The following BRF1 variants were observed in gnomAD, a reference collection of about 807,000 sequenced individuals.
The protein encoded by BRF1 is transcription factor IIIB 90 kDa subunit.
BRF1 carries 59 observed loss-of-function variants against 81.7 expected under a neutral mutation model. The ratio of observed to expected loss-of-function variants is 0.72; its 90% CI spans 0.59 to 0.90. The LOEUF (loss-of-function observed/expected upper bound fraction) is 0.90. BRF1 is among the 40% of genes least tolerant of loss of function. The pLI, the probability that BRF1 is intolerant of heterozygous loss-of-function variation, is 0.00. For synonymous variants in BRF1, 491 were observed against 395.6 expected, an observed-to-expected ratio of 1.24 and a Z score of -2.86; for missense variants, 1,050 against 936.3, an observed-to-expected ratio of 1.12 and a Z score of -1.58.
chr14:105,282,963 T>G (rs1200072918), intron 2 of BRF1, among the ~76,000 whole-genome samples: 3 of 151,610 alleles, frequency 2.0e-5, no homozygotes, highest in East Asian at 3.9e-4. Flanking sequence ...AAAGGTAAGA[T>G]AAATACGAAA....
chr14:105,210,310 TG>T lies in BRF1; in HGVS notation c.*240del. 1 of 551,478 alleles carries T rather than the reference TG, an allele frequency of 1.8e-6. No homozygotes were observed. Among genetic ancestry groups the T allele is most frequent in the Non-Finnish European group, 3.3e-6 (1 of 306,056 alleles). The allele number at this position is 551,478 out of a possible 1,614,324, so 34.2% of individuals were successfully genotyped here. A position where few individuals can be genotyped will look rare whatever the true frequency, so the allele number is the denominator to read the frequency against. On this transcript the variant is annotated 3_prime_UTR_variant, in exon 18 of 18. Transcript: ENST00000547530. The surrounding 1 kb of genome is among the most constrained non-coding windows in gnomAD (Gnocchi z 4.7). Reference sequence around the variant, plus strand: ...GACGGCAGGCAGCGGGACCCAGCCCTGCACACACCCGGCCCACATCTGATCA... The same window carrying T: ...GACGGCAGGCAGCGGGACCCAGCCCTCACACACCCGGCCCACATCTGATCA...
intron 3 of BRF1, among the ~76,000 whole-genome samples, chr14:105,261,343 T>C (rs2056141995): frequency 6.6e-6 from 1 of 152,176 alleles, no homozygotes; most frequent in South Asian, 2.1e-4. Flanking sequence ...CCAGAAATGG[T>C]CCAGTCATGA....
intron 3 of BRF1, among the ~76,000 whole-genome samples, chr14:105,267,360 G>A (rs2056463035): frequency 6.6e-6 from 1 of 151,700 alleles, no homozygotes; most frequent in Non-Finnish European, 1.5e-5. Context: ...CTGGAGTGTA[G>A]TGGTGCGATC....
Position 105,284,409 on chromosome 14 carries a change from C to T in BRF1, c.265+1887G>A, listed in dbSNP as rs587713761. Among the ~76,000 whole-genome samples the T allele has an allele frequency of 5.9e-5, 9 of 152,256 alleles. No homozygotes were observed. The highest frequency in any genetic ancestry group is 2.1e-4 in the South Asian group (1 of 4,810). On this transcript the variant is annotated intron_variant, in intron 2 of 17. Transcript: ENST00000547530. This position sits in a 1 kb window ranked among gnomAD's most constrained non-coding sequence, Gnocchi z 4.0. ...ACTACCCCTGCCAGCCTAGGTGTGT[C>T]GGTGCTGGCCACCCGTCGGCAGCAG...
chr14:105,285,319 C>T lies in BRF1; in HGVS notation c.265+977G>A, dbSNP rs1034669589. Reference sequence around the variant, plus strand: ...TGGAACGGGCACCAGGACTGTCATGCAGTCACTAAGCCAAACTGAGGATCC... The same window carrying T: ...TGGAACGGGCACCAGGACTGTCATGTAGTCACTAAGCCAAACTGAGGATCC... On this transcript the variant is annotated intron_variant, in intron 2 of 17. Transcript: ENST00000547530. Among the ~76,000 whole-genome samples, 5 of 152,268 alleles carry T rather than the reference C, an allele frequency of 3.3e-5. No homozygotes were observed. In the South Asian group the frequency reaches 1.0e-3, roughly 31 times the overall value.
intron 2 of BRF1, among the ~76,000 whole-genome samples, chr14:105,276,203 A>G (rs78573758): frequency 2.3e-4 from 1 of 4,262 alleles, no homozygotes; most frequent in Non-Finnish European, 6.5e-4. Flanking sequence ...CCCTCACTAG[A>G]GAGCTGGGGA....
At position 105,273,235 on chromosome 14, in the gene BRF1, CCT is replaced by C. The variant is rs1188282305; in HGVS notation, c.266-343_266-342del. 3.9e-5 allele frequency among the ~76,000 whole-genome samples: 6 copies of C among 152,188 alleles called. No individual in the cohort carries two copies. In the East Asian group the frequency reaches 9.6e-4, roughly 24 times the overall value. Reference sequence around the variant, plus strand: ...TGGGCTGGCTGGCAGGTGCTATGCCCCTGACTGCCCTGGGCTACAGTGGGAAT... The same window carrying C: ...TGGGCTGGCTGGCAGGTGCTATGCCCGACTGCCCTGGGCTACAGTGGGAAT... On this transcript the variant is annotated intron_variant, in intron 2 of 17. Transcript: ENST00000547530.
intron 2 of BRF1, among the ~76,000 whole-genome samples, chr14:105,275,421 A>G (rs2056840600): frequency 1.3e-5 from 2 of 152,190 alleles, no homozygotes; most frequent in African/African-American, 4.8e-5. Context: ...CAAGACCCCA[A>G]AAGAATGGAC....
Position 105,300,563 on chromosome 14 carries a change from C to A in BRF1, c.67G>T (p.Ala23Ser). ...ACTGAGCCGCAGGCGGTGCACACCG[C>A]GTCCCCGCGCGCCGCGTCCAGCTCG... ...DIELDAARGD[A>S]VCTACGSVLE... Residue 23 changes from alanine (A) to serine (S), a missense_variant, in exon 1 of 18, where the codon GCG (alanine) becomes TCG (serine). Physicochemically the swap from Ala to Ser is moderately conservative, Grantham distance 99. Around this residue, in one of 2 missense-constraint regions of BRF1, gnomAD observed 1,043 missense variants for 915.4 expected, o/e 1.14. Transcript: ENST00000547530. The A allele has an allele frequency of 6.7e-7, 1 of 1,496,696 alleles. No individual in the cohort carries two copies. Among genetic ancestry groups the A allele is most frequent in the Non-Finnish European group, 8.9e-7 (1 of 1,126,794 alleles). 92.7% of individuals were successfully genotyped at this position (1,496,696 alleles called of 1,614,324 possible).
chr14:105,217,639 T>C lies in BRF1; in HGVS notation c.1677A>G (p.Ala559=). 1 of 1,613,366 alleles carries C rather than the reference T, an allele frequency of 6.2e-7. No individual in the cohort carries two copies. Among genetic ancestry groups the C allele is most frequent in the Non-Finnish European group, 8.5e-7 (1 of 1,180,010 alleles). ...TGGCACTGGCGCTATGCTCGGGCTGTGCATCCTCCCTGTGCGGACTGCCCC... is the reference window on the plus strand; with the variant it reads ...TGGCACTGGCGCTATGCTCGGGCTGCGCATCCTCCCTGTGCGGACTGCCCC... ...AGGGSPHRED[A]QPEHSASARK... Residue 559 remains alanine, a synonymous_variant, in exon 15 of 18, where the codon GCA becomes GCG. Coordinates refer to ENST00000547530, the MANE Select transcript of BRF1 (RefSeq NM_001519.4).
chr14:105,287,958 G>C (rs1595471058), intron 1 of BRF1, among the ~76,000 whole-genome samples: 1 of 152,338 alleles, frequency 6.6e-6, no homozygotes, highest in East Asian at 1.9e-4. Flanking sequence ...CTGAGGCCCA[G>C]AGCCGGCCTC....
At chr14:105,228,619 C>G (rs888853887) in intron 7 of BRF1, among the ~76,000 whole-genome samples, 1 of 151,872 alleles carries the variant, frequency 6.6e-6, no homozygotes, top group Non-Finnish European at 1.5e-5. Flanking sequence ...GAAGGACTAG[C>G]AGGGAACTCT....
At chr14:105,211,755 T>TCC (rs1451319430) in intron 16 of BRF1, 2 of 396,794 alleles carry the variant, frequency 5.0e-6, no homozygotes, top group Non-Finnish European at 9.4e-6. Context: ...CAAGTGACAG[T>TCC]CCAGGTGAAA....
chr14:105,287,156 C>T (rs2057344801), intron 1 of BRF1, among the ~76,000 whole-genome samples: 1 of 152,228 alleles, frequency 6.6e-6, no homozygotes, highest in Non-Finnish European at 1.5e-5. Flanking sequence ...AGCATGCCTA[C>T]GACGTCCACC....
In BRF1 at chr14:105,221,713, G is replaced by A; in HGVS notation, c.1250C>T (p.Thr417Ile). The change falls in exon 11 of 18, where the codon ACT becomes ATT. Residue 417 changes from threonine (T) to isoleucine (I), a missense_variant. By Grantham distance (89) the Thr-to-Ile change is moderately conservative. Transcript: ENST00000547530. Reference sequence around the variant, plus strand: ...GTCTGAGATGCCCAGGCTGGCTGCAGTGGGGAGGGGGTCCAGCAGGGACCC... The same window carrying A: ...GTCTGAGATGCCCAGGCTGGCTGCAATGGGGAGGGGGTCCAGCAGGGACCC... Reference protein sequence around the residue: ...ALGSLLDPLPTAASLGISDSI... With the variant: ...ALGSLLDPLPIAASLGISDSI... 1 of 1,611,486 alleles carries A rather than the reference G, an allele frequency of 6.2e-7. No homozygotes were observed. Among genetic ancestry groups the A allele is most frequent in the Non-Finnish European group, 8.5e-7 (1 of 1,179,796 alleles).
chr14:105,303,826 A>G (rs1414483960), upstream of BRF1, among the ~76,000 whole-genome samples: 3 of 152,352 alleles, frequency 2.0e-5, no homozygotes, highest in East Asian at 1.9e-4. Flanking sequence ...CTCTCTGTCC[A>G]TGATGACATT....
rs145535818 is a variant in BRF1, at chr14:105,275,731, A to T, written c.266-2837T>A. 1.8e-3 allele frequency among the ~76,000 whole-genome samples: 271 copies of T among 152,374 alleles called. 4 individuals are homozygous for T. In the South Asian group the frequency reaches 0.019, roughly 10 times the overall value. On this transcript the variant is annotated intron_variant, in intron 2 of 17. Coordinates refer to ENST00000547530, the MANE Select transcript of BRF1 (RefSeq NM_001519.4). ...AGCATGCAGGGCTGCTATGGTCAGA[A>T]TGTCTGACTCCTAAAATTCCTATGT... is the stretch of plus-strand genomic sequence containing the variant.
At chr14:105,229,642 G>T (rs587685149) in intron 6 of BRF1, among the ~76,000 whole-genome samples, 5 of 151,164 alleles carry the variant, frequency 3.3e-5, no homozygotes, top group East Asian at 1.9e-4. Flanking sequence ...CCAGCTGGGG[G>T]CGGGGGACAG....
intron 2 of BRF1, among the ~76,000 whole-genome samples, chr14:105,282,111 C>T (rs2057130537): frequency 6.6e-6 from 1 of 152,210 alleles, no homozygotes; most frequent in African/African-American, 2.4e-5. Context: ...TGGCATTCAA[C>T]GTCTCTTGCT....
Sources: gnomAD v4.1 joint callset for allele counts (sites outside exome capture counted in the v4.1 genomes callset) on GRCh38, gnomAD v4.1.1 for gene constraint, gnomAD v4.1.1 regional missense constraint, Gnocchi (gnomAD v3.1) non-coding constraint, MANE v1.5 for transcripts, NCBI Gene and HGNC (gene_info 2026-07-23, HGNC 2026-07-21) for gene names.